THBS3: variants seen among roughly 807,000 people sequenced by gnomAD.
THBS3 encodes thrombospondin-3.
A neutral mutation model predicts 118.3 loss-of-function variants in THBS3; 78 were observed. The observed-to-expected ratio is 0.66, with a 90% CI of 0.55 to 0.80. The LOEUF is 0.80. Among genes scored for constraint, THBS3 ranks in the 30% least tolerant of loss-of-function variants. The pLI is 0.00. For synonymous variants in THBS3, 427 were observed against 475.3 expected, an observed-to-expected ratio of 0.90 and a Z score of 1.32; for missense variants, 1,057 against 1,247.4, an observed-to-expected ratio of 0.85 and a Z score of 2.30.
rs759309752 is a variant in THBS3 at position 155,202,816 on chromosome 1, T to C, written c.953A>G (p.Asn318Ser). 1.9e-6 allele frequency: 3 copies of C among 1,611,558 alleles called. No homozygotes were observed. Among genetic ancestry groups the C allele is most frequent in the Admixed American group, 3.3e-5 (2 of 59,874 alleles). ...CTGGGCTCTGACCTCCCTCACCTCATTGATGTCACTGCAGTGGGTGCCGTT... is the reference window on the plus strand; with the variant it reads ...CTGGGCTCTGACCTCCCTCACCTCACTGATGTCACTGCAGTGGGTGCCGTT... Reference protein sequence around the residue: ...QGNGTHCSDINECAHADPCFP... With the variant: ...QGNGTHCSDISECAHADPCFP... Residue 318 changes from asparagine to serine, a missense_variant, in exon 8 of 23, where the codon AAT (asparagine) becomes AGT (serine). Asn to Ser is a conservative substitution (Grantham distance 46). This residue lies in a region of THBS3 where 544 missense variants were observed against 715.6 expected (regional missense o/e 0.76). Transcript: ENST00000368378. The surrounding 1 kb of genome is among the most constrained non-coding windows in gnomAD (Gnocchi z 5.5).
rs1168755514 is a variant in THBS3, at chr1:155,202,139, G to A, written c.1099-105C>T. 6.2e-7 allele frequency: 1 copy of A among 1,602,760 alleles called. No homozygotes were observed. Among genetic ancestry groups the A allele is most frequent in the African/African-American group, 1.3e-5 (1 of 74,708 alleles). On this transcript the variant is annotated intron_variant, in intron 9 of 22. Coordinates refer to ENST00000368378, the MANE Select transcript of THBS3 (RefSeq NM_007112.5). This position sits in a 1 kb window ranked among gnomAD's most constrained non-coding sequence, Gnocchi z 5.5. Reference sequence around the variant, plus strand: ...TCTGTGAACATCAACATTAAGCCCAGACCCAAAGCCGATGCAAAGCCATCC... The same window carrying A: ...TCTGTGAACATCAACATTAAGCCCAAACCCAAAGCCGATGCAAAGCCATCC...
rs1401635210 is a variant in THBS3, at chr1:155,197,906, A to G, written c.2276T>C (p.Met759Thr). ...LNQGMEIVQT[M>T]NSDPGLAVGY... ...AACTGCCAAGCCAGGGTCACTGTTC[A>G]TGGTCTGAACGATTTCCATGCCCTG... Residue 759 changes from methionine to threonine, a missense_variant, in exon 19 of 23, where the codon ATG becomes ACG. By Grantham distance (81) the Met-to-Thr change is moderately conservative. This residue lies in a region of THBS3 where 307 missense variants were observed against 326.1 expected (regional missense o/e 0.94). Transcript: ENST00000368378. This position sits in a 1 kb window ranked among gnomAD's most constrained non-coding sequence, Gnocchi z 5.0. 2 of 1,613,906 alleles carry G rather than the reference A, an allele frequency of 1.2e-6. No homozygotes were observed. The highest frequency in any genetic ancestry group is 3.3e-5 in the Admixed American group (2 of 59,986).
intron 1 of THBS3, among the ~76,000 whole-genome samples, chr1:155,207,589 T>G (rs1670743296): frequency 1.3e-5 from 2 of 152,168 alleles, no homozygotes; most frequent in African/African-American, 4.8e-5. Context: ...TGCCTGACCC[T>G]GTCCTGTTCC....
Position 155,201,957 on chromosome 1 carries a change from C to G in THBS3, c.1176G>C (p.Val392=). The G allele has an allele frequency of 3.1e-6, 5 of 1,613,974 alleles. No homozygotes were observed. The highest frequency in any genetic ancestry group is 3.4e-6 in the Non-Finnish European group (4 of 1,180,004). Residue 392 remains valine, a splice_region_variant and synonymous_variant, in exon 10 of 23, where the codon GTG becomes GTC. Coordinates refer to ENST00000368378, the MANE Select transcript of THBS3 (RefSeq NM_007112.5). Reference sequence around the variant, plus strand: ...AATACACTCAGGATATTCAGCTCACCACAGTGTTGGTGCAGATGGAGTTTG... The same window carrying G: ...AATACACTCAGGATATTCAGCTCACGACAGTGTTGGTGCAGATGGAGTTTG... The part of the protein sequence containing the change: ...CDPNSICTNT[V]GSFKCGPCRL...
intron 21 of THBS3, 174 bp downstream of exon 21, chr1:155,196,867 T>C: frequency 3.2e-6 from 2 of 629,672 alleles, no homozygotes; most frequent in Non-Finnish European, 5.5e-6. Flanking sequence ...AAATGGGTCA[T>C]GGAGGAGTGA....
chr1:155,195,633 TG>T lies in THBS3; in HGVS notation c.*207del. 1 of 568,522 alleles carries T rather than the reference TG, an allele frequency of 1.8e-6. No homozygotes were observed. The allele number at this position is 568,522 out of a possible 1,614,324, so 35.2% of individuals were successfully genotyped here. Reference sequence around the variant, plus strand: ...TATGGCAATGTGCTGTCATCTTTCCTGGGGTTAGTGCCTGAGTAATACCCCT... The same window carrying T: ...TATGGCAATGTGCTGTCATCTTTCCTGGGTTAGTGCCTGAGTAATACCCCT... On this transcript the variant is annotated 3_prime_UTR_variant, in exon 23 of 23. Transcript: ENST00000368378.
intron 17 of THBS3, 65 bp from the exon 18 acceptor site, chr1:155,198,285 CTG>C: frequency 6.3e-7 from 1 of 1,596,422 alleles, no homozygotes; most frequent in South Asian, 1.1e-5. Flanking sequence ...ACAATACCAT[CTG>C]TTGGGCCTGC....
chr1:155,200,377 C>T (rs1669511751), intron 14 of THBS3, 74 bp downstream of exon 14: 2 of 1,554,604 alleles, frequency 1.3e-6, no homozygotes, highest in Non-Finnish European at 1.7e-6. Flanking sequence ...GACTTCCTAG[C>T]TTCCCTGCTT....
Position 155,197,675 on chromosome 1 carries a change from G to GGGGGGGGGGGC in THBS3, c.2303-17_2303-16insGCCCCCCCCCC. 1 of 831,660 alleles carries GGGGGGGGGGGC rather than the reference G, an allele frequency of 1.2e-6. No individual in the cohort carries two copies. The highest frequency in any genetic ancestry group is 2.0e-6 in the Non-Finnish European group (1 of 512,728). The allele number at this position is 831,660 out of a possible 1,614,324, so 51.5% of individuals were successfully genotyped here. ...GCCGTGTATCCTGGGGTGGGGGTGG[G>GGGGGGGGGGGC]ATAAAGGTCAGGGGCAGCAAAGCTA... On this transcript the variant is annotated splice_polypyrimidine_tract_variant and intron_variant, in intron 19 of 22. Coordinates refer to ENST00000368378, the MANE Select transcript of THBS3 (RefSeq NM_007112.5). The surrounding 1 kb of genome is among the most constrained non-coding windows in gnomAD (Gnocchi z 5.0).
chr1:155,207,793 C>T lies in THBS3; in HGVS notation c.79+5G>A, dbSNP rs377616218. 18 of 1,613,880 alleles carry T rather than the reference C, an allele frequency of 1.1e-5. No homozygotes were observed. The highest frequency in any genetic ancestry group is 1.5e-5 in the Non-Finnish European group (18 of 1,179,986). On this transcript the variant is annotated splice_donor_5th_base_variant and intron_variant, in intron 1 of 22. Transcript: ENST00000368378. ...AGCGGTCTAAGAGGATGGAGACAGG[C>T]TTACCCTGCAGATCCTGACTGGCAG...
chr1:155,209,162 A>G (rs757539624), upstream of THBS3: 160 of 1,499,318 alleles, frequency 1.1e-4, no homozygotes, highest in Non-Finnish European at 1.4e-4. Context: ...CCTGACCGCA[A>G]CGATCGGAGG....
chr1:155,200,244 T>A, intron 14 of THBS3, 131 bp from the exon 15 acceptor site: 1 of 1,033,684 alleles, frequency 9.7e-7, no homozygotes, highest in Non-Finnish European at 1.4e-6. Context: ...GTTTCTTGTC[T>A]CACCCTCTAG....
intron 11 of THBS3, 76 bp from the exon 12 acceptor site, chr1:155,201,280 C>T: frequency 6.3e-7 from 1 of 1,595,844 alleles, no homozygotes; most frequent in Admixed American, 1.7e-5. Context: ...TGCTTCAGGT[C>T]CTATTCTCCC....
rs1668871092 is a variant in THBS3 at position 155,197,492 on chromosome 1, C to A, written c.2470G>T (p.Ala824Ser). 1 of 1,613,606 alleles carries A rather than the reference C, an allele frequency of 6.2e-7. No homozygotes were observed. Among genetic ancestry groups the A allele is most frequent in the African/African-American group, 1.3e-5 (1 of 74,888 alleles). ...AGCTGCAGCCCGGGCTGGGCAACCG[C>A]CCGGAAGGGTGTAGCCTGCCAGTAG... ...QTYWQATPFR[A>S]VAQPGLQLKA... Residue 824 changes from alanine to serine, a missense_variant, in exon 20 of 23, where the codon GCG (alanine) becomes TCG (serine). By Grantham distance (99) the Ala-to-Ser change is moderately conservative. Transcript: ENST00000368378. The surrounding 1 kb of genome is among the most constrained non-coding windows in gnomAD (Gnocchi z 5.0).
Position 155,197,106 on chromosome 1 carries a change from C to G in THBS3, c.2607G>C (p.Val869=). Residue 869 remains valine (V), a synonymous_variant, in exon 21 of 23, where the codon GTG becomes GTC. Transcript: ENST00000368378. The surrounding 1 kb of genome is among the most constrained non-coding windows in gnomAD (Gnocchi z 5.0). The stretch of plus-strand genomic sequence containing the variant: ...GATAGGAGGTCTTGTCCCGCCAGCC[C>G]ACATTTCGTGGGTCTGTCCACAGCA... ...VRLLWTDPRN[V]GWRDKTSYRW... The G allele has an allele frequency of 6.2e-7, 1 of 1,614,168 alleles. No individual in the cohort carries two copies. The highest frequency in any genetic ancestry group is 8.5e-7 in the Non-Finnish European group (1 of 1,180,038).
At chr1:155,196,445 C>G in intron 21 of THBS3, 1 of 375,952 alleles carries the variant, frequency 2.7e-6, no homozygotes, top group East Asian at 4.9e-5. Flanking sequence ...TAGTCCACCC[C>G]CTTTTATCCC....
At chr1:155,198,730 G>T in intron 16 of THBS3, 128 bp from the exon 17 acceptor site, 1 of 849,654 alleles carries the variant, frequency 1.2e-6, no homozygotes, top group Non-Finnish European at 1.8e-6. Context: ...GCCAGGTGAG[G>T]TGAAGGTCTG....
upstream of THBS3, among the ~76,000 whole-genome samples, chr1:155,208,207 T>A (rs1343528736): frequency 6.6e-6 from 1 of 151,640 alleles, no homozygotes; most frequent in Non-Finnish European, 1.5e-5. Context: ...GAAGCCACGA[T>A]TGTGGAAGGC....
intron 11 of THBS3, 35 bp downstream of exon 11, chr1:155,201,382 C>T (rs764165629): frequency 3.8e-6 from 6 of 1,575,338 alleles, no homozygotes; most frequent in East Asian, 4.5e-5. Flanking sequence ...TCCCCAGACC[C>T]TCCCTTTTCC....
Sources: gnomAD v4.1 joint callset for allele counts (sites outside exome capture counted in the v4.1 genomes callset) on GRCh38, gnomAD v4.1.1 for gene constraint, gnomAD v4.1.1 regional missense constraint, Gnocchi (gnomAD v3.1) non-coding constraint, MANE v1.5 for transcripts, NCBI Gene and HGNC (gene_info 2026-07-23, HGNC 2026-07-21) for gene names.